Variants in TBCD observed in about 807,000 individuals in gnomAD.
The protein encoded by TBCD is tubulin folding cofactor D.
In TBCD, 105 loss-of-function variants were observed where a neutral mutation model predicts 169.3. The ratio of observed to expected loss-of-function variants is 0.62; its 90% CI spans 0.53 to 0.73. The LOEUF is 0.73. TBCD is among the 30% of genes least tolerant of loss of function. TBCD has a pLI of 0.00. For synonymous variants in TBCD, 700 were observed against 643.9 expected (o/e 1.09, Z -1.32); for missense variants, 1,444 against 1,600.1 (o/e 0.90, Z 1.66).
intron 2 of TBCD, among the ~76,000 whole-genome samples, chr17:82,758,400 A>AAAGAAAAAAAAAAAAAAAAAT (rs1555672643): frequency 1.0e-5 from 1 of 100,032 alleles, no homozygotes; most frequent in Non-Finnish European, 1.9e-5. Context: ...AAAAAAAAAA[A>AAAGAAAAAAAAAAAAAAAAAT]AAATAAATAA....
chr17:82,882,384 C>T (rs1042837698), intron 14 of TBCD, among the ~76,000 whole-genome samples: 2 of 152,214 alleles, frequency 1.3e-5, no homozygotes, highest in South Asian at 4.1e-4. Context: ...TCTGGGCCAT[C>T]TCCAGGGCCT....
At chr17:82,768,821 G>T (rs983385096) in intron 5 of TBCD, among the ~76,000 whole-genome samples, 1 of 152,006 alleles carries the variant, frequency 6.6e-6, no homozygotes, top group Non-Finnish European at 1.5e-5. Flanking sequence ...GATAAGGAAG[G>T]GTTTAGTGGC....
Position 82,930,325 on chromosome 17 carries a change from CT to C in TBCD, c.2992-195del. ...AGGCTGAGCTGCCGTTGCCGAGAGC[CT>C]TGTGTCTGCTTCGGGTGTCTGCACT... On this transcript the variant is annotated intron_variant, in intron 32 of 38. Coordinates refer to ENST00000355528, the MANE Select transcript of TBCD (RefSeq NM_005993.5). This position sits in a 1 kb window ranked among gnomAD's most constrained non-coding sequence, Gnocchi z 5.2. 2.0e-5 allele frequency: 14 copies of C among 686,778 alleles called. No individual in the cohort carries two copies. In the South Asian group the frequency reaches 2.9e-4, roughly 14 times the overall value. 42.5% of individuals were successfully genotyped at this position (686,778 alleles called of 1,614,324 possible).
intron 13 of TBCD, among the ~76,000 whole-genome samples, chr17:82,867,856 T>G (rs1289836585): frequency 6.6e-6 from 1 of 152,212 alleles, no homozygotes; most frequent in Admixed American, 6.5e-5. Flanking sequence ...AGCCCTGGCC[T>G]TTACCCTCAG....
Position 82,807,592 on chromosome 17 carries a change from CT to C in TBCD, c.1088-14del. ...TTGTGTGGACTCTGTCACGCATCAC[CT>C]TCCTCTTCCTACAGAGCAGCTGCTG... On this transcript the variant is annotated splice_polypyrimidine_tract_variant and intron_variant, in intron 10 of 38. Transcript: ENST00000355528. The C allele has an allele frequency of 2.0e-6, 3 of 1,496,712 alleles. No homozygotes were observed. The highest frequency in any genetic ancestry group is 2.7e-6 in the Non-Finnish European group (3 of 1,120,038). The allele number at this position is 1,496,712 out of a possible 1,614,324, so 92.7% of individuals were successfully genotyped here.
chr17:82,886,652 TCC>T (rs2058725559), intron 15 of TBCD, among the ~76,000 whole-genome samples: 2 of 2,178 alleles, frequency 9.2e-4, no homozygotes, highest in Non-Finnish European at 2.5e-3. Flanking sequence ...TCCCCTCCCC[TCC>T]CCTCCCCTCC....
chr17:82,921,580 ACAGTGAGCATGG>A lies in TBCD; in HGVS notation c.2178+4_2178+15del. 1 of 1,613,966 alleles carries A rather than the reference ACAGTGAGCATGG, an allele frequency of 6.2e-7. No individual in the cohort carries two copies. Among genetic ancestry groups the A allele is most frequent in the East Asian group, 2.2e-5 (1 of 44,882 alleles). On this transcript the variant is annotated splice_donor_5th_base_variant and intron_variant, in intron 25 of 38. Coordinates refer to ENST00000355528, the MANE Select transcript of TBCD (RefSeq NM_005993.5). Reference sequence around the variant, plus strand: ...GTCACTCCCGCCAGCAGATGAAGGTACAGTGAGCATGGGCGTTCCCGGCCGGCGCTGTGGCGG... The same window carrying A: ...GTCACTCCCGCCAGCAGATGAAGGTAGCGTTCCCGGCCGGCGCTGTGGCGG...
chr17:82,772,120 A>G (rs986347297), intron 5 of TBCD, among the ~76,000 whole-genome samples: 3 of 152,154 alleles, frequency 2.0e-5, no homozygotes, highest in African/African-American at 4.8e-5. Flanking sequence ...TAGGTGCTCA[A>G]TGAATACTCT....
At chr17:82,937,909 C>A in intron 35 of TBCD, 140 bp from the exon 36 acceptor site, 1 of 1,531,946 alleles carries the variant, frequency 6.5e-7, no homozygotes. Flanking sequence ...ACACACACCT[C>A]CGGCTTGGGG....
chr17:82,850,021 T>TGTTGGCTGTGCTGCTGTTGGCTGTGCTGC (rs1567886869), intron 13 of TBCD, among the ~76,000 whole-genome samples: 51 of 36,282 alleles, frequency 1.4e-3, no homozygotes, highest in Admixed American at 1.9e-3. Context: ...GGCTGTGCTG[T>TGTTGGCTGTGCTGCTGTTGGCTGTGCTGC]TGTTGGCTGT....
chr17:82,812,898 C>A (rs180887694), intron 12 of TBCD, among the ~76,000 whole-genome samples: 76 of 152,280 alleles, frequency 5.0e-4, no homozygotes, highest in African/African-American at 1.7e-3. Context: ...TAGCTCACTG[C>A]GGCCTCTACT....
chr17:82,926,520 C>T (rs751404630), intron 28 of TBCD, 29 bp downstream of exon 28: 23 of 1,600,444 alleles, frequency 1.4e-5, no homozygotes, highest in South Asian at 1.1e-4. Flanking sequence ...TCCCTAAAGT[C>T]GTAAGTCTCT....
At chr17:82,853,956 C>T (rs1003327674) in intron 13 of TBCD, among the ~76,000 whole-genome samples, 3 of 152,082 alleles carry the variant, frequency 2.0e-5, no homozygotes, top group Admixed American at 1.3e-4. Flanking sequence ...TCCCATTCCA[C>T]ATCTTCTTCC....
At chr17:82,830,954 A>T in intron 13 of TBCD, 1 of 1,613,406 alleles carries the variant, frequency 6.2e-7, no homozygotes, top group Non-Finnish European at 8.5e-7. Context: ...AGCAAGTATA[A>T]GCCTGGCTCA....
chr17:82,937,863 C>T (rs1260394376), intron 35 of TBCD, 186 bp from the exon 36 acceptor site: 2 of 1,506,796 alleles, frequency 1.3e-6, no homozygotes, highest in African/African-American at 1.4e-5. Context: ...CCAAGTGCGA[C>T]ACTCGTGTGT....
In TBCD at chr17:82,927,231, T is replaced by G; in HGVS notation, c.2517T>G (p.Ala839=). 6.2e-7 allele frequency: 1 copy of G among 1,614,010 alleles called. No individual in the cohort carries two copies. Among genetic ancestry groups the G allele is most frequent in the Non-Finnish European group, 8.5e-7 (1 of 1,179,884 alleles). Residue 839 remains alanine, a synonymous_variant, in exon 29 of 39, where the codon GCT becomes GCG. Transcript: ENST00000355528. ...VGVKAGAPDE[A]VCGENVSQIY... The stretch of plus-strand genomic sequence containing the variant: ...TGAAAGCAGGAGCCCCAGACGAAGC[T>G]GTGTGCGGAGAGAATGTTTCCCAGA...
chr17:82,844,886 A>C (rs570049466), intron 13 of TBCD, among the ~76,000 whole-genome samples: 2 of 152,134 alleles, frequency 1.3e-5, no homozygotes, highest in South Asian at 2.1e-4. Flanking sequence ...TGGTCCATTT[A>C]CTCAGAAGCA....
intron 13 of TBCD, among the ~76,000 whole-genome samples, chr17:82,846,439 C>T (rs1598894939): frequency 6.6e-6 from 1 of 152,364 alleles, no homozygotes; most frequent in East Asian, 1.9e-4. Flanking sequence ...CATTGTTTCC[C>T]CTTCCCCTTC....
Position 82,929,033 on chromosome 17 carries a change from T to C in TBCD, c.2694-80T>C. The C allele has an allele frequency of 2.6e-6, 4 of 1,525,230 alleles. No individual in the cohort carries two copies. The Admixed American group carries it at 5.5e-5, about 21-fold the overall frequency. 94.5% of individuals were successfully genotyped at this position (1,525,230 alleles called of 1,614,324 possible). ...GTGGTGCTTGGGCTGGAGTCACGGC[T>C]CGGACCGCCTGTGCTCAGTTTACCG... On this transcript the variant is annotated intron_variant, in intron 30 of 38. Transcript: ENST00000355528.
Sources: allele counts gnomAD v4.1 joint callset (sites outside exome capture counted in the v4.1 genomes callset), GRCh38; gene constraint gnomAD v4.1.1; non-coding constraint Gnocchi (gnomAD v3.1); transcripts MANE v1.5; gene names NCBI Gene and HGNC (gene_info 2026-07-23, HGNC 2026-07-21).